The following EPHA8 variants were observed in gnomAD, a reference collection of about 807,000 sequenced individuals.
The protein encoded by EPHA8 is EPH receptor A8.
In EPHA8, 58 loss-of-function variants were observed where a neutral mutation model predicts 103.6. That is an observed-to-expected ratio of 0.56 (90% CI 0.45 to 0.70). The LOEUF is 0.70. Among genes scored for constraint, EPHA8 ranks in the 30% least tolerant of loss-of-function variants. EPHA8 has a pLI of 0.00. For missense variants in EPHA8, 1,304 were observed against 1,395.2 expected, an observed-to-expected ratio of 0.93 and a Z score of 1.04; for synonymous variants, 559 against 572.5, an observed-to-expected ratio of 0.98 and a Z score of 0.34.
chr1:22,581,685 A>G (rs1191454343), intron 3 of EPHA8, among the ~76,000 whole-genome samples: 4 of 152,242 alleles, frequency 2.6e-5, no homozygotes, highest in African/African-American at 9.6e-5. Flanking sequence ...TTAATAACAA[A>G]TAAAAAGAAA....
In EPHA8 at chr1:22,563,648, C is replaced by A; in HGVS notation, c.13C>A (p.Arg5=). The change falls in exon 1 of 17, where the codon CGG becomes AGG. Residue 5 remains arginine, a synonymous_variant. Coordinates refer to ENST00000166244, the MANE Select transcript of EPHA8 (RefSeq NM_020526.5). The surrounding 1 kb of genome is among the most constrained non-coding windows in gnomAD (Gnocchi z 4.4). ...GCCCGGCCCGGCCATGGCCCCCGCC[C>A]GGGGCCGCCTGCCCCCTGCGCTCTG... MAPA[R]GRLPPALWVV... 6.8e-6 allele frequency: 1 copy of A among 146,736 alleles called. No individual in the cohort carries two copies. The highest frequency in any genetic ancestry group is 1.8e-4 in the South Asian group (1 of 5,496). The allele number at this position is 146,736 out of a possible 1,614,324, so 9.1% of individuals were successfully genotyped here. A position where few individuals can be genotyped will look rare whatever the true frequency, so the allele number is the denominator to read the frequency against.
rs1399370554 is a variant in EPHA8, at chr1:22,601,932, G to A, written c.*191G>A. On this transcript the variant is annotated 3_prime_UTR_variant, in exon 17 of 17. Transcript: ENST00000166244. Reference sequence around the variant, plus strand: ...TCAGGCGCCTGGGAAGGGGCCTTTGGTGGCCACCCTGGTGAGGACACCTGT... The same window carrying A: ...TCAGGCGCCTGGGAAGGGGCCTTTGATGGCCACCCTGGTGAGGACACCTGT... The A allele has an allele frequency of 7.9e-6, 5 of 630,444 alleles. No individual in the cohort carries two copies. Among genetic ancestry groups the A allele is most frequent in the Non-Finnish European group, 1.4e-5 (5 of 368,396 alleles). The allele number at this position is 630,444 out of a possible 1,614,324, so 39.1% of individuals were successfully genotyped here. A position where few individuals can be genotyped will look rare whatever the true frequency, so the allele number is the denominator to read the frequency against.
chr1:22,582,685 C>T (rs1641077818), intron 3 of EPHA8, among the ~76,000 whole-genome samples: 1 of 152,160 alleles, frequency 6.6e-6, no homozygotes, highest in Admixed American at 6.5e-5. Context: ...GAGGAAGCTC[C>T]CCACACTCCA....
chr1:22,569,457 A>C lies in EPHA8; in HGVS notation c.159+104A>C. ...AGATCAAAAGGAAGCAGAGGCCCAG[A>C]GAGGTCAAGGGACTTACCCAAGGGC... On this transcript the variant is annotated intron_variant, in intron 2 of 16. Coordinates refer to ENST00000166244, the MANE Select transcript of EPHA8 (RefSeq NM_020526.5). The surrounding 1 kb of genome is among the most constrained non-coding windows in gnomAD (Gnocchi z 4.5). 1 of 1,309,712 alleles carries C rather than the reference A, an allele frequency of 7.6e-7. No homozygotes were observed. Among genetic ancestry groups the C allele is most frequent in the African/African-American group, 1.5e-5 (1 of 66,530 alleles). 81.1% of individuals were successfully genotyped at this position (1,309,712 alleles called of 1,614,324 possible). A position where few individuals can be genotyped will look rare whatever the true frequency, so the allele number is the denominator to read the frequency against.
At position 22,567,189 on chromosome 1, in the gene EPHA8, C is replaced by T. The variant is rs945628177; in HGVS notation, c.95-2100C>T. 3.3e-5 allele frequency among the ~76,000 whole-genome samples: 5 copies of T among 152,140 alleles called. No individual in the cohort carries two copies. Among genetic ancestry groups the T allele is most frequent in the African/African-American group, 4.8e-5 (2 of 41,430 alleles). ...GATAGGGACAGGTCTGGGCTGCATC[C>T]AGGCCAGGTCACAGAAGGGGCCCAG... On this transcript the variant is annotated intron_variant, in intron 1 of 16. Transcript: ENST00000166244. The surrounding 1 kb of genome is among the most constrained non-coding windows in gnomAD (Gnocchi z 4.2).
In EPHA8 at chr1:22,603,219, T is replaced by G. The variant is rs1200896955; in HGVS notation, c.*1478T>G. The G allele has an allele frequency of 7.0e-6, 1 of 143,196 alleles. No individual in the cohort carries two copies. The highest frequency in any genetic ancestry group is 1.5e-5 in the Non-Finnish European group (1 of 65,504). The allele number at this position is 143,196 out of a possible 1,614,324, so 8.9% of individuals were successfully genotyped here. A position where few individuals can be genotyped will look rare whatever the true frequency, so the allele number is the denominator to read the frequency against. On this transcript the variant is annotated 3_prime_UTR_variant, in exon 17 of 17. Coordinates refer to ENST00000166244, the MANE Select transcript of EPHA8 (RefSeq NM_020526.5). The stretch of plus-strand genomic sequence containing the variant: ...AGCTATCCCGCGGGGACACCAGCAC[T>G]GAGCCCCCTCTCCCTCCTGCAATAA...
In EPHA8 at chr1:22,586,635, C is replaced by T. The variant is rs929755154; in HGVS notation, c.979C>T (p.Arg327Trp). The T allele has an allele frequency of 1.9e-6, 3 of 1,613,458 alleles. No individual in the cohort carries two copies. Among genetic ancestry groups the T allele is most frequent in the African/African-American group, 2.7e-5 (2 of 74,904 alleles). The change falls in exon 4 of 17, where the codon CGG (arginine) becomes TGG (tryptophan). Residue 327 changes from arginine to tryptophan, a missense_variant and splice_region_variant. Physicochemically the swap from Arg to Trp is moderately radical, Grantham distance 101. Coordinates refer to ENST00000166244, the MANE Select transcript of EPHA8 (RefSeq NM_020526.5). ...ALDPPSSACT[R>W]PPSAPVNLIS... ...GGACCCGCCGTCCTCAGCCTGCACC[C>T]GTGAGTACCACTCCGAGATGCCAGT...
chr1:22,601,841 C>T lies in EPHA8; in HGVS notation c.*100C>T. On this transcript the variant is annotated 3_prime_UTR_variant, in exon 17 of 17. Coordinates refer to ENST00000166244, the MANE Select transcript of EPHA8 (RefSeq NM_020526.5). ...GGCAGCAGGCAGGGCGGCCCCAGGC[C>T]TCTGCCCTCCTCTCAGGTGCTGGAG... The T allele has an allele frequency of 9.0e-7, 1 of 1,105,790 alleles. No homozygotes were observed. The highest frequency in any genetic ancestry group is 1.4e-5 in the South Asian group (1 of 72,120). The allele number at this position is 1,105,790 out of a possible 1,614,324, so 68.5% of individuals were successfully genotyped here.
chr1:22,599,614 G>T, intron 13 of EPHA8, among the ~76,000 whole-genome samples: 2 of 130,946 alleles, frequency 1.5e-5, no homozygotes, highest in African/African-American at 3.3e-5. Context: ...AGGGAGGGAG[G>T]GAGGAAGAAG....
intron 2 of EPHA8, among the ~76,000 whole-genome samples, chr1:22,570,264 A>G (rs528900189): frequency 1.3e-5 from 2 of 152,064 alleles, no homozygotes; most frequent in South Asian, 2.1e-4. Context: ...ACACGCACGC[A>G]TGTACACACA....
At position 22,581,184 on chromosome 1, in the gene EPHA8, G is replaced by T. The variant is rs1316743757; in HGVS notation, c.823+4304G>T. Among the ~76,000 whole-genome samples, 4 of 152,198 alleles carry T rather than the reference G, an allele frequency of 2.6e-5. No homozygotes were observed. In the South Asian group the frequency reaches 8.3e-4, roughly 32 times the overall value. ...CAGAGTAGTGATCTGATCCCAGGTT[G>T]CCTGACTCCAGCACCTTCAATTGCT... On this transcript the variant is annotated intron_variant, in intron 3 of 16. Coordinates refer to ENST00000166244, the MANE Select transcript of EPHA8 (RefSeq NM_020526.5).
At chr1:22,578,420 G>A (rs889923934) in intron 3 of EPHA8, among the ~76,000 whole-genome samples, 1 of 141,618 alleles carries the variant, frequency 7.1e-6, no homozygotes, top group Non-Finnish European at 1.5e-5. Flanking sequence ...ATGTCTGCAT[G>A]TGTACGTATG....
At chr1:22,591,564 G>A (rs1478988244) in intron 5 of EPHA8, among the ~76,000 whole-genome samples, 1 of 152,066 alleles carries the variant, frequency 6.6e-6, no homozygotes, top group African/African-American at 2.4e-5. Context: ...ATGAGAACAA[G>A]CTGTCCTCAA....
chr1:22,566,008 G>C (rs1446696259), intron 1 of EPHA8, among the ~76,000 whole-genome samples: 5 of 152,204 alleles, frequency 3.3e-5, no homozygotes, highest in Non-Finnish European at 7.4e-5. Flanking sequence ...TGAGGGGACT[G>C]TTGGAACTCA....
At chr1:22,572,017 T>C (rs538391959) in intron 2 of EPHA8, among the ~76,000 whole-genome samples, 1 of 152,180 alleles carries the variant, frequency 6.6e-6, no homozygotes, top group African/African-American at 2.4e-5. Flanking sequence ...TGGAGAGAGA[T>C]CTTGTCTCAA....
rs1222537276 is a variant in EPHA8, at chr1:22,563,680, C to G, written c.45C>G (p.Val15=). Residue 15 remains valine (V), a synonymous_variant, in exon 1 of 17, where the codon GTC becomes GTG. Coordinates refer to ENST00000166244, the MANE Select transcript of EPHA8 (RefSeq NM_020526.5). This position sits in a 1 kb window ranked among gnomAD's most constrained non-coding sequence, Gnocchi z 4.4. ...RGRLPPALWV[V]TAAAAAATCV... ...GCCTGCCCCCTGCGCTCTGGGTCGT[C>G]ACGGCCGCGGCGGCGGCGGCCACCT... 77 of 146,788 alleles carry G rather than the reference C, an allele frequency of 5.2e-4. No homozygotes were observed. The highest frequency in any genetic ancestry group is 1.8e-3 in the African/African-American group (72 of 40,850). 9.1% of individuals were successfully genotyped at this position (146,788 alleles called of 1,614,324 possible).
rs1237701429 is a variant in EPHA8, at chr1:22,603,138, A to T, written c.*1397A>T. 1 of 151,944 alleles carries T rather than the reference A, an allele frequency of 6.6e-6. No individual in the cohort carries two copies. The highest frequency in any genetic ancestry group is 2.0e-4 in the East Asian group (1 of 5,082). 9.4% of individuals were successfully genotyped at this position (151,944 alleles called of 1,614,324 possible). On this transcript the variant is annotated 3_prime_UTR_variant, in exon 17 of 17. Transcript: ENST00000166244. ...CCACCGTGTGCCCCCTGCCAGCCCC[A>T]GAGGGAGTGGCGAGCCCAGCTGCCC...
At position 22,597,556 on chromosome 1, in the gene EPHA8, C is replaced by A; in HGVS notation, c.1930+80C>A. The A allele has an allele frequency of 6.4e-7, 1 of 1,569,718 alleles. No individual in the cohort carries two copies. On this transcript the variant is annotated intron_variant, in intron 10 of 16. Coordinates refer to ENST00000166244, the MANE Select transcript of EPHA8 (RefSeq NM_020526.5). The surrounding 1 kb of genome is among the most constrained non-coding windows in gnomAD (Gnocchi z 4.6). Reference sequence around the variant, plus strand: ...CAGGGCAAGGTGGGGGCACCCAGGGCAGAGGGAGCGTGTGACCCAGGGGTC... The same window carrying A: ...CAGGGCAAGGTGGGGGCACCCAGGGAAGAGGGAGCGTGTGACCCAGGGGTC...
At chr1:22,578,985 A>G (rs981021550) in intron 3 of EPHA8, among the ~76,000 whole-genome samples, 15 of 136,414 alleles carry the variant, frequency 1.1e-4, no homozygotes, top group African/African-American at 3.3e-4. Flanking sequence ...GTGTGAGTGT[A>G]TGTGTGCATG....
Sources: gnomAD v4.1 joint callset for allele counts (sites outside exome capture counted in the v4.1 genomes callset) on GRCh38, gnomAD v4.1.1 for gene constraint, Gnocchi (gnomAD v3.1) non-coding constraint, MANE v1.5 for transcripts, NCBI Gene and HGNC (gene_info 2026-07-23, HGNC 2026-07-21) for gene names.